PUDP: variants seen among roughly 807,000 people sequenced by gnomAD.
PUDP encodes the protein pseudouridine 5'-phosphatase.
In PUDP, 8 loss-of-function variants were observed where a neutral mutation model predicts 9.4. That is an observed-to-expected ratio of 0.85 (90% CI 0.50 to 1.53). The LOEUF is 1.53. Ranked by LOEUF, PUDP falls within the 40% of genes most tolerant of loss-of-function variation. The probability of loss-of-function intolerance (pLI) is 0.00; values close to 1 mark genes in which losing one functional copy is unlikely to be tolerated. For synonymous variants in PUDP, 99 were observed against 80.7 expected (o/e 1.23, Z -1.22); for missense variants, 188 against 189.7 (o/e 0.99, Z 0.05).
At chrX:6,928,595 C>A (rs1928141344) in intron 3 of PUDP, among the ~76,000 whole-genome samples, 1 of 111,669 alleles carries the variant, frequency 9.0e-6, no homozygotes, top group Non-Finnish European at 1.9e-5. Flanking sequence ...AAGTGGACAC[C>A]TTCAAAATGA....
At chrX:6,983,141 A>G (rs1929058900) in intron 1 of PUDP, among the ~76,000 whole-genome samples, 1 of 112,238 alleles carries the variant, frequency 8.9e-6, no homozygotes, top group African/African-American at 3.2e-5. Flanking sequence ...TAGGCGATTT[A>G]TCAAGACAGA....
chrX:6,899,250 C>T (rs1927637198), intron 3 of PUDP, among the ~76,000 whole-genome samples: 1 of 112,610 alleles, frequency 8.9e-6, no homozygotes, highest in South Asian at 3.7e-4. Context: ...TCTTTGTTTT[C>T]CTGTCTATAC....
chrX:6,801,069 A>C (rs1925924634), intron 3 of PUDP, among the ~76,000 whole-genome samples: 1 of 112,055 alleles, frequency 8.9e-6, no homozygotes, highest in African/African-American at 3.2e-5. Flanking sequence ...CCAGGGATGC[A>C]AGCCTTGTTT....
chrX:6,934,421 A>C (rs1203383544), intron 3 of PUDP, among the ~76,000 whole-genome samples: 15 of 110,062 alleles, frequency 1.4e-4, no homozygotes, highest in Non-Finnish European at 2.5e-4. Flanking sequence ...ACTTTACAGA[A>C]AAGCAAATGC....
intron 3 of PUDP, among the ~76,000 whole-genome samples, chrX:7,069,778 C>T (rs1356001245): frequency 9.0e-6 from 1 of 111,527 alleles, no homozygotes; most frequent in Non-Finnish European, 1.9e-5. Context: ...AGTCTTATCA[C>T]CAAAGATAAG....
chrX:6,771,313 A>AT (rs1180686462), intron 3 of PUDP, among the ~76,000 whole-genome samples: 1 of 111,871 alleles, frequency 8.9e-6, no homozygotes, highest in Admixed American at 9.5e-5. Flanking sequence ...GCACGCTGGA[A>AT]TTATCTCCTT....
chrX:6,723,924 T>C (rs750810962), upstream of PUDP, among the ~76,000 whole-genome samples: 52 of 111,821 alleles, frequency 4.7e-4, no homozygotes, highest in Non-Finnish European at 7.5e-4. Context: ...TTTATGAATG[T>C]TCCCCATATT....
intron 1 of PUDP, among the ~76,000 whole-genome samples, chrX:6,994,729 G>A (rs751872891): frequency 2.7e-5 from 3 of 111,819 alleles, no homozygotes; most frequent in East Asian, 2.8e-4. Context: ...TATGACAAAC[G>A]GCAGCTGCTT....
At chrX:7,138,611 G>A (rs1369451197) in intron 1 of PUDP, among the ~76,000 whole-genome samples, 1 of 111,401 alleles carries the variant, frequency 9.0e-6, no homozygotes, top group Non-Finnish European at 1.9e-5. Flanking sequence ...GGCCTCAAGC[G>A]ATCGACTTGC....
chrX:7,011,959 G>A (rs1319874976), intron 1 of PUDP, among the ~76,000 whole-genome samples: 1 of 112,673 alleles, frequency 8.9e-6, no homozygotes, highest in Non-Finnish European at 1.9e-5. Flanking sequence ...GATCATTTAT[G>A]TTTTGAAATA....
intron 2 of PUDP, among the ~76,000 whole-genome samples, chrX:7,098,294 T>A (rs1425988910): frequency 8.0e-5 from 9 of 112,232 alleles, no homozygotes; most frequent in Non-Finnish European, 1.7e-4. Flanking sequence ...AGCAGGTCTG[T>A]CTCTGCAGAG....
chrX:6,910,141 G>A (rs978592060), intron 3 of PUDP, among the ~76,000 whole-genome samples: 3 of 112,033 alleles, frequency 2.7e-5, no homozygotes, highest in Non-Finnish European at 3.8e-5. Context: ...GAAGATGGAA[G>A]TGCCCTGAGC....
intron 1 of PUDP, among the ~76,000 whole-genome samples, chrX:7,028,796 C>G (rs758812625): frequency 9.0e-6 from 1 of 111,585 alleles, no homozygotes; most frequent in Admixed American, 9.5e-5. Context: ...CGGACCGGGC[C>G]GCTTACCACA....
At chrX:7,124,578 G>A (rs1443876011) in intron 1 of PUDP, among the ~76,000 whole-genome samples, 2 of 110,864 alleles carry the variant, frequency 1.8e-5, no homozygotes, top group East Asian at 5.7e-4. Context: ...TTTACCAAGA[G>A]ATTGGTAAAA....
chrX:6,836,293 C>A (rs1157933735), intron 3 of PUDP, among the ~76,000 whole-genome samples: 2 of 111,626 alleles, frequency 1.8e-5, no homozygotes, highest in Non-Finnish European at 3.8e-5. Context: ...TAATGAATTA[C>A]CAAAACCTCA....
rs757659180 is a variant in PUDP at position 6,797,288 on chromosome X, T to C, written c.*248-90822A>G. ...GAGCATCAGCTTTTAATCATTATCA[T>C]AGCTGCCTCTAAAATGCCCCCCAAC... On this transcript the variant is annotated intron_variant and NMD_transcript_variant, in intron 3 of 3. Coordinates refer to the PUDP transcript ENST00000655425. 1.3e-4 allele frequency among the ~76,000 whole-genome samples: 14 copies of C among 111,676 alleles called. 1 individual carries two copies. Among genetic ancestry groups the C allele is most frequent in the African/African-American group, 4.6e-4 (14 of 30,726 alleles).
chrX:6,854,245 A>G (rs1926871781), intron 3 of PUDP, among the ~76,000 whole-genome samples: 1 of 111,862 alleles, frequency 8.9e-6, no homozygotes, highest in Non-Finnish European at 1.9e-5. Context: ...CTCATAGACT[A>G]CTTTTTATCC....
chrX:6,987,749 A>T (rs1351797211), intron 1 of PUDP, among the ~76,000 whole-genome samples: 1 of 112,108 alleles, frequency 8.9e-6, no homozygotes, highest in Non-Finnish European at 1.9e-5. Flanking sequence ...CAGATACCAT[A>T]TGGCCCAAAA....
intron 2 of PUDP, among the ~76,000 whole-genome samples, chrX:7,100,129 G>A (rs779441807): frequency 2.0e-5 from 2 of 97,770 alleles, no homozygotes; most frequent in South Asian, 1.2e-3. Context: ...AGCATAATTG[G>A]ACTGATTCCT....
Sources: allele counts gnomAD v4.1 joint callset (sites outside exome capture counted in the v4.1 genomes callset), GRCh38; gene constraint gnomAD v4.1.1; transcripts MANE v1.5; gene names NCBI Gene and HGNC (gene_info 2026-07-23, HGNC 2026-07-21).